TSPEAR: variants seen among roughly 807,000 people sequenced by gnomAD.
TSPEAR encodes the protein thrombospondin type laminin G domain and EAR repeats.
A neutral mutation model predicts 71.6 loss-of-function variants in TSPEAR; 69 were observed. The observed-to-expected ratio is 0.96, with a 90% CI of 0.79 to 1.18. The LOEUF (loss-of-function observed/expected upper bound fraction) is 1.18, where lower values mean the gene tolerates loss of function less well. TSPEAR is among the 50% of genes most tolerant of loss of function. The pLI is 0.00. For missense variants in TSPEAR, 971 were observed against 894.9 expected (o/e 1.09, Z -1.09); for synonymous variants, 402 against 387.2 (o/e 1.04, Z -0.45).
intron 10 of TSPEAR, 88 bp downstream of exon 10, chr21:44,509,111 G>T: frequency 1.4e-6 from 2 of 1,450,172 alleles, no homozygotes; most frequent in Non-Finnish European, 1.9e-6. Flanking sequence ...CCACGGGAAG[G>T]GTGGTGAGGA....
At chr21:44,651,231 G>C (rs1984771588) in intron 1 of TSPEAR, among the ~76,000 whole-genome samples, 1 of 152,126 alleles carries the variant, frequency 6.6e-6, no homozygotes, top group Admixed American at 6.5e-5. Context: ...CCAGAGAGGA[G>C]ACTTGTCTCT....
chr21:44,510,469 G>A (rs1415665217), intron 9 of TSPEAR, among the ~76,000 whole-genome samples: 1 of 152,226 alleles, frequency 6.6e-6, no homozygotes, highest in Non-Finnish European at 1.5e-5. Context: ...CAAGGGCCCG[G>A]CTCAGACGCC....
chr21:44,530,991 G>T (rs2052958601), intron 4 of TSPEAR, 52 bp downstream of exon 4: 5 of 1,436,014 alleles, frequency 3.5e-6, no homozygotes, highest in Non-Finnish European at 4.9e-6. Context: ...CTGGCCTGGG[G>T]CAGTCCCATC....
At chr21:44,666,108 T>G in intron 1 of TSPEAR, 2 of 260,090 alleles carry the variant, frequency 7.7e-6, no homozygotes, top group South Asian at 8.5e-5. Flanking sequence ...CTGAAGAGGG[T>G]TTAGCAGCAA....
chr21:44,678,050 C>T (rs1986404641), intron 1 of TSPEAR: 5 of 725,906 alleles, frequency 6.9e-6, no homozygotes, highest in East Asian at 2.6e-5. Context: ...CTCTGGGCCA[C>T]AGCGGTCACA....
chr21:44,676,968 G>T, intron 1 of TSPEAR: 1 of 922,856 alleles, frequency 1.1e-6, no homozygotes, highest in Non-Finnish European at 1.8e-6. Flanking sequence ...TGTCAGCTGG[G>T]TCCGAAACGC....
chr21:44,557,260 C>T (rs1433968755), intron 2 of TSPEAR, among the ~76,000 whole-genome samples: 1 of 152,144 alleles, frequency 6.6e-6, no homozygotes, highest in East Asian at 1.9e-4. Flanking sequence ...CCCACAAATA[C>T]TTTCCAAGGA....
intron 1 of TSPEAR, among the ~76,000 whole-genome samples, chr21:44,568,258 G>T (rs1397914786): frequency 6.6e-6 from 1 of 152,194 alleles, no homozygotes; most frequent in African/African-American, 2.4e-5. Flanking sequence ...TGAGCTGCAG[G>T]TAACATTCCA....
intron 8 of TSPEAR, among the ~76,000 whole-genome samples, chr21:44,524,651 TAGTTAGTCATC>T (rs2052810120): frequency 1.3e-5 from 2 of 151,302 alleles, no homozygotes; most frequent in South Asian, 4.2e-4. Flanking sequence ...GTCAGTTAGG[TAGTTAGTCATC>T]AGTTAGTCAG....
At chr21:44,511,938 T>A (rs1489936063) in intron 9 of TSPEAR, among the ~76,000 whole-genome samples, 2 of 152,226 alleles carry the variant, frequency 1.3e-5, no homozygotes, top group African/African-American at 4.8e-5. Context: ...GTGCCCTCCC[T>A]GCCCAAAGGA....
At position 44,516,727 on chromosome 21, in the gene TSPEAR, G is replaced by C. The variant is rs146886373; in HGVS notation, c.1566+5156C>G. Reference sequence around the variant, plus strand: ...GATGACCAACTGTGCCATCCCTGGGGCAGTCCCCCATGCCAGGCAAACATT... The same window carrying C: ...GATGACCAACTGTGCCATCCCTGGGCCAGTCCCCCATGCCAGGCAAACATT... On this transcript the variant is annotated intron_variant, in intron 9 of 11. Coordinates refer to ENST00000323084, the MANE Select transcript of TSPEAR (RefSeq NM_144991.3). Among the ~76,000 whole-genome samples the C allele has an allele frequency of 2.6e-5, 4 of 152,116 alleles. No individual in the cohort carries two copies. In the South Asian group the frequency reaches 8.3e-4, roughly 31 times the overall value.
At chr21:44,561,388 A>T (rs1413107239) in intron 2 of TSPEAR, among the ~76,000 whole-genome samples, 1 of 152,240 alleles carries the variant, frequency 6.6e-6, no homozygotes, top group East Asian at 1.9e-4. Flanking sequence ...TTCACAGCCA[A>T]ATTCTACCAG....
intron 1 of TSPEAR, among the ~76,000 whole-genome samples, chr21:44,615,947 C>G (rs1185866869): frequency 6.6e-6 from 1 of 152,206 alleles, no homozygotes; most frequent in Admixed American, 6.5e-5. Flanking sequence ...CTACTTCAGG[C>G]GGGGCCGCCA....
intron 2 of TSPEAR, among the ~76,000 whole-genome samples, chr21:44,554,123 A>G (rs1234798702): frequency 1.3e-5 from 2 of 152,206 alleles, no homozygotes; most frequent in Non-Finnish European, 2.9e-5. Flanking sequence ...ATATGATGGT[A>G]TTAAGAGGTG....
chr21:44,517,784 A>G, intron 9 of TSPEAR: 1 of 471,200 alleles, frequency 2.1e-6, no homozygotes, highest in South Asian at 1.5e-5. Flanking sequence ...CCTGATATCC[A>G]GGGCTGCCGA....
intron 1 of TSPEAR, among the ~76,000 whole-genome samples, chr21:44,571,743 C>G (rs1281924946): frequency 1.3e-5 from 2 of 152,244 alleles, no homozygotes; most frequent in African/African-American, 4.8e-5. Context: ...CCACAAAATA[C>G]ATAGTGATCA....
chr21:44,563,588 CA>C (rs60058857), intron 2 of TSPEAR, among the ~76,000 whole-genome samples: 1 of 150,982 alleles, frequency 6.6e-6, no homozygotes, highest in Admixed American at 6.6e-5. Context: ...ACAGTGGTGA[CA>C]AAAAAAACCC....
At chr21:44,502,205 C>G (rs2052045208) in intron 11 of TSPEAR, among the ~76,000 whole-genome samples, 1 of 152,192 alleles carries the variant, frequency 6.6e-6, no homozygotes, top group South Asian at 2.1e-4. Context: ...TGGCCCACAG[C>G]CCATCAAACG....
At chr21:44,582,201 C>T (rs1303905997) in intron 1 of TSPEAR, among the ~76,000 whole-genome samples, 2 of 152,170 alleles carry the variant, frequency 1.3e-5, no homozygotes, top group Non-Finnish European at 1.5e-5. Context: ...CATCAGCCAC[C>T]GCGTGAGGGG....
Sources: allele counts gnomAD v4.1 joint callset (sites outside exome capture counted in the v4.1 genomes callset), GRCh38; gene constraint gnomAD v4.1.1; transcripts MANE v1.5; gene names NCBI Gene and HGNC (gene_info 2026-07-23, HGNC 2026-07-21).